Variants in SEC14L1 observed in about 807,000 individuals in gnomAD.
SEC14L1 encodes the protein SEC14-like protein 1.
A neutral mutation model predicts 85.3 loss-of-function variants in SEC14L1; 48 were observed. The observed-to-expected ratio is 0.56, with a 90% CI of 0.45 to 0.72. The LOEUF is 0.72. SEC14L1 is among the 30% of genes least tolerant of loss of function. The probability of loss-of-function intolerance (pLI) is 0.00; values close to 1 mark genes in which losing one functional copy is unlikely to be tolerated. For synonymous variants in SEC14L1, 391 were observed against 355.5 expected, an observed-to-expected ratio of 1.10 and a Z score of -1.12; for missense variants, 682 against 921.4, an observed-to-expected ratio of 0.74 and a Z score of 3.36.
rs1182105002 is a variant in SEC14L1, at chr17:77,098,494, C to CA, written c.-136+5161dup. Among the ~76,000 whole-genome samples the CA allele has an allele frequency of 1.5e-3, 189 of 129,652 alleles. 1 individual carries two copies. The highest frequency in any genetic ancestry group is 8.2e-3 in the South Asian group (34 of 4,150). 85.1% of individuals were successfully genotyped at this position (129,652 alleles called of 152,430 possible). ...AGCCTGGGCGACAGTGAGACTGTCTCAAAAAAAAAAAAAAGTATTTCCTGT... is the reference window on the plus strand; with the variant it reads ...AGCCTGGGCGACAGTGAGACTGTCTCAAAAAAAAAAAAAAAGTATTTCCTGT... On this transcript the variant is annotated intron_variant, in intron 3 of 19. Transcript: ENST00000392476.
chr17:77,168,936 A>T (rs1974406717), intron 3 of SEC14L1, among the ~76,000 whole-genome samples: 1 of 146,434 alleles, frequency 6.8e-6, no homozygotes, highest in Non-Finnish European at 1.5e-5. Flanking sequence ...GTTTAAATTT[A>T]TCTGGTACCT....
At chr17:77,165,903 T>C (rs947330737) in intron 3 of SEC14L1, among the ~76,000 whole-genome samples, 4 of 152,216 alleles carry the variant, frequency 2.6e-5, no homozygotes, top group Admixed American at 2.6e-4. Context: ...TTCCAAAGTT[T>C]AGTAGAAAAG....
At chr17:77,205,432 T>G (rs1165404584) in intron 11 of SEC14L1, 86 bp downstream of exon 11, 7 of 1,232,038 alleles carry the variant, frequency 5.7e-6, no homozygotes, top group African/African-American at 1.5e-5. Context: ...TAAAATCTAC[T>G]TATTATTTTC....
At chr17:77,140,956 G>GCCCCTT (rs1972977333), upstream of SEC14L1, 1 of 133,190 alleles carries the variant, frequency 7.5e-6, no homozygotes, top group East Asian at 2.6e-4. Context: ...CCGTCGCCGC[G>GCCCCTT]CCCCTTCCCC....
chr17:77,197,749 G>C (rs569831330), intron 8 of SEC14L1, among the ~76,000 whole-genome samples: 1 of 152,136 alleles, frequency 6.6e-6, no homozygotes, highest in African/African-American at 2.4e-5. Flanking sequence ...GCTGGGGTTA[G>C]CTCTGCCACC....
At chr17:77,161,076 T>A (rs1178576451) in intron 3 of SEC14L1, among the ~76,000 whole-genome samples, 1 of 152,242 alleles carries the variant, frequency 6.6e-6, no homozygotes, top group Non-Finnish European at 1.5e-5. Context: ...AAGGGGAAAT[T>A]GGTCTTCAAC....
At chr17:77,129,863 C>T (rs1168399480) in intron 3 of SEC14L1, among the ~76,000 whole-genome samples, 3 of 152,130 alleles carry the variant, frequency 2.0e-5, no homozygotes, top group African/African-American at 4.8e-5. Flanking sequence ...TCGAGCCTCC[C>T]TCCAGCTGTT....
chr17:77,180,559 A>G (rs778414054), intron 3 of SEC14L1, among the ~76,000 whole-genome samples: 5 of 152,102 alleles, frequency 3.3e-5, no homozygotes, highest in Non-Finnish European at 7.4e-5. Context: ...GGTTTGATCT[A>G]AGCGCAGATT....
intron 3 of SEC14L1, among the ~76,000 whole-genome samples, chr17:77,177,256 A>G (rs1974801292): frequency 6.6e-6 from 1 of 151,710 alleles, no homozygotes; most frequent in Admixed American, 6.6e-5. Flanking sequence ...GCAAATTTAA[A>G]ACATAGAGCC....
intron 3 of SEC14L1, among the ~76,000 whole-genome samples, chr17:77,172,927 C>T (rs1258062748): frequency 6.6e-6 from 1 of 152,186 alleles, no homozygotes; most frequent in African/African-American, 2.4e-5. Context: ...CAAGTTTTTG[C>T]TCAGCTGCTG....
chr17:77,190,115 C>T (rs1010299405), intron 3 of SEC14L1, among the ~76,000 whole-genome samples: 1 of 151,830 alleles, frequency 6.6e-6, no homozygotes, highest in African/African-American at 2.4e-5. Context: ...AGTCGCTGAT[C>T]TTTGAGTTAA....
intron 3 of SEC14L1, among the ~76,000 whole-genome samples, chr17:77,183,076 A>G (rs1975107662): frequency 6.6e-6 from 1 of 152,248 alleles, no homozygotes; most frequent in Non-Finnish European, 1.5e-5. Context: ...GCAGTGTTGT[A>G]TTTAATGAGT....
intron 3 of SEC14L1, among the ~76,000 whole-genome samples, chr17:77,189,506 T>G (rs1975420409): frequency 6.6e-6 from 1 of 152,240 alleles, no homozygotes; most frequent in African/African-American, 2.4e-5. Flanking sequence ...CCTGGCTCAC[T>G]GTATTTATGT....
chr17:77,155,088 A>G (rs931497200), intron 3 of SEC14L1, among the ~76,000 whole-genome samples: 7 of 152,218 alleles, frequency 4.6e-5, no homozygotes, highest in African/African-American at 1.7e-4. Flanking sequence ...CTTACTGGGC[A>G]GCACTTCCTG....
At chr17:77,191,341 G>A (rs1335817018) in intron 5 of SEC14L1, 29 bp downstream of exon 5, 3 of 1,612,018 alleles carry the variant, frequency 1.9e-6, no homozygotes, top group Non-Finnish European at 1.7e-6. Flanking sequence ...GGCGGAAGAT[G>A]TTCTGCCGAC....
At chr17:77,133,627 T>G (rs2143456270) in intron 3 of SEC14L1, among the ~76,000 whole-genome samples, 1 of 151,990 alleles carries the variant, frequency 6.6e-6, no homozygotes, top group South Asian at 2.1e-4. Context: ...AACAGACAGG[T>G]GAGGAGAACT....
chr17:77,114,896 C>T (rs1381121987), intron 3 of SEC14L1, among the ~76,000 whole-genome samples: 1 of 150,658 alleles, frequency 6.6e-6, no homozygotes, highest in Non-Finnish European at 1.5e-5. Flanking sequence ...CATTAAGTCC[C>T]AGTAGCATTT....
chr17:77,192,815 C>T (rs952369232), intron 5 of SEC14L1, among the ~76,000 whole-genome samples: 6 of 152,090 alleles, frequency 3.9e-5, no homozygotes, highest in South Asian at 4.2e-4. Flanking sequence ...CACATGCCAC[C>T]GTGCCTGGCT....
intron 3 of SEC14L1, chr17:77,185,091 T>C (rs757443514): frequency 3.8e-4 from 174 of 457,800 alleles, no homozygotes; most frequent in Non-Finnish European, 1.4e-4. Flanking sequence ...GCAGGACTTA[T>C]CTTTTTATTG....
Sources: allele counts gnomAD v4.1 joint callset (sites outside exome capture counted in the v4.1 genomes callset), GRCh38; gene constraint gnomAD v4.1.1; transcripts MANE v1.5; gene names NCBI Gene and HGNC (gene_info 2026-07-23, HGNC 2026-07-21).